MYOCOS: variants seen among roughly 807,000 people sequenced by gnomAD.
The protein encoded by MYOCOS is myocilin opposite strand protein.
At chr1:171,610,621 ATAAG>A (rs1044900206) in intron 1 of MYOCOS, among the ~76,000 whole-genome samples, 69 of 152,318 alleles carry the variant, frequency 4.5e-4, no homozygotes, top group Middle Eastern at 3.4e-3. Flanking sequence ...CACTCTTGCG[ATAAG>A]TAACCCATTT....
intron 1 of MYOCOS, among the ~76,000 whole-genome samples, chr1:171,602,935 C>T (rs1010835951): frequency 6.6e-6 from 1 of 152,192 alleles, no homozygotes; most frequent in African/African-American, 2.4e-5. Context: ...TCCATCTGCA[C>T]GTTATAAAAA....
upstream of MYOCOS, among the ~76,000 whole-genome samples, chr1:171,618,829 G>A (rs1652498990): frequency 6.6e-6 from 1 of 152,176 alleles, no homozygotes; most frequent in Non-Finnish European, 1.5e-5. Context: ...GCCCGCCTTG[G>A]CCTCTCAAAG....
intron 1 of MYOCOS, among the ~76,000 whole-genome samples, chr1:171,612,596 T>C (rs67133611): frequency 0.24 from 35,656 of 151,072 alleles, 5,157 homozygotes; most frequent in African/African-American, 0.41. Flanking sequence ...GAGGCCGAGG[T>C]GGGTGGATCA....
chr1:171,612,691 G>T (rs112002573), intron 1 of MYOCOS, among the ~76,000 whole-genome samples: 5 of 151,928 alleles, frequency 3.3e-5, no homozygotes, highest in Non-Finnish European at 7.4e-5. Flanking sequence ...TTAGCCGGCC[G>T]TGGTGGCGCA....
At chr1:171,615,921 T>C (rs182167805) in intron 2 of MYOCOS, among the ~76,000 whole-genome samples, 1 of 149,672 alleles carries the variant, frequency 6.7e-6, no homozygotes, top group Non-Finnish European at 1.5e-5. Context: ...GGGGTTGCCA[T>C]TAACAGAAAT....
At position 171,626,531 on chromosome 1, in the gene MYOCOS, C is replaced by T. The variant is rs890377378; in HGVS notation, c.173C>T (p.Pro58Leu). The T allele has an allele frequency of 5.0e-6, 2 of 398,692 alleles. No homozygotes were observed. The highest frequency in any genetic ancestry group is 2.5e-4 in the South Asian group (2 of 7,852). 24.7% of individuals were successfully genotyped at this position (398,692 alleles called of 1,614,324 possible). ...SHLDLEQAPPPHRTYLTVPPA... is the reference protein window; with the variant it reads ...SHLDLEQAPPLHRTYLTVPPA... Reference sequence around the variant, plus strand: ...TTGGATTTGGAGCAAGCCCCTCCCCCTCACAGGACCTACCTCACAGTACCT... The same window carrying T: ...TTGGATTTGGAGCAAGCCCCTCCCCTTCACAGGACCTACCTCACAGTACCT... Residue 58 changes from proline (P) to leucine (L), a missense_variant, in exon 3 of 3, where the codon CCT (proline) becomes CTT (leucine). Transcript: ENST00000637642.
chr1:171,616,893 G>C (rs1270642822), intron 2 of MYOCOS, among the ~76,000 whole-genome samples: 2 of 152,274 alleles, frequency 1.3e-5, no homozygotes, highest in East Asian at 1.9e-4. Flanking sequence ...ACATGGGAAG[G>C]TTCATCATTT....
intron 1 of MYOCOS, among the ~76,000 whole-genome samples, chr1:171,603,648 G>GC (rs960694141): frequency 3.3e-5 from 5 of 152,114 alleles, no homozygotes; most frequent in Non-Finnish European, 5.9e-5. Context: ...ACTCATGTCG[G>GC]CCCCCGCCAT....
intron 2 of MYOCOS, among the ~76,000 whole-genome samples, chr1:171,625,141 T>C (rs235856): frequency 0.2 from 30,500 of 152,140 alleles, 3,466 homozygotes; most frequent in East Asian, 0.33. Flanking sequence ...TCTTTGTTGA[T>C]AGTGGTGCAC....
intron 2 of MYOCOS, 55 bp downstream of exon 2, chr1:171,624,033 T>C (rs1652630236): frequency 5.0e-6 from 2 of 398,552 alleles, no homozygotes; most frequent in East Asian, 7.1e-5. Context: ...AGCATAACAC[T>C]GAGCCCCAGC....
At chr1:171,606,607 T>G (rs1416475348) in intron 1 of MYOCOS, among the ~76,000 whole-genome samples, 1 of 152,216 alleles carries the variant, frequency 6.6e-6, no homozygotes, top group African/African-American at 2.4e-5. Flanking sequence ...TGACTACCAG[T>G]GCACGAAACC....
intron 1 of MYOCOS, among the ~76,000 whole-genome samples, chr1:171,614,219 G>A (rs1652407600): frequency 6.6e-6 from 1 of 152,204 alleles, no homozygotes; most frequent in African/African-American, 2.4e-5. Flanking sequence ...AGTCTTTTTA[G>A]AGTTTAATTC....
chr1:171,606,203 AG>A (rs1420743364), intron 1 of MYOCOS, among the ~76,000 whole-genome samples: 3 of 152,332 alleles, frequency 2.0e-5, no homozygotes, highest in South Asian at 2.1e-4. Context: ...ATGATAAAAA[AG>A]CTTCATCGCT....
intron 2 of MYOCOS, among the ~76,000 whole-genome samples, chr1:171,616,791 C>T (rs1173336475): frequency 6.6e-6 from 1 of 152,066 alleles, no homozygotes; most frequent in Non-Finnish European, 1.5e-5. Flanking sequence ...GTGCTTTGGT[C>T]AAGGATAGGC....
At chr1:171,606,689 C>T (rs971304000) in intron 1 of MYOCOS, among the ~76,000 whole-genome samples, 1 of 152,206 alleles carries the variant, frequency 6.6e-6, no homozygotes, top group African/African-American at 2.4e-5. Flanking sequence ...GTTGTAAGCC[C>T]TTAAAAAGGA....
intron 2 of MYOCOS, among the ~76,000 whole-genome samples, chr1:171,624,698 C>T (rs943133098): frequency 3.9e-5 from 6 of 152,074 alleles, no homozygotes; most frequent in East Asian, 1.9e-4. Flanking sequence ...CTGCCCGCCT[C>T]GGCCTCCCAA....
upstream of MYOCOS, among the ~76,000 whole-genome samples, chr1:171,620,092 A>AT (rs1652529902): frequency 1.4e-5 from 2 of 147,524 alleles, no homozygotes; most frequent in African/African-American, 4.9e-5. Context: ...TATATAACCT[A>AT]TATATAAAAT....
At chr1:171,609,796 C>T (rs1453700912) in intron 1 of MYOCOS, among the ~76,000 whole-genome samples, 2 of 152,142 alleles carry the variant, frequency 1.3e-5, no homozygotes, top group East Asian at 3.9e-4. Flanking sequence ...CCACTGCACC[C>T]GGCCAACAAG....
chr1:171,621,641 T>C (rs7528502), upstream of MYOCOS, among the ~76,000 whole-genome samples: 3 of 151,874 alleles, frequency 2.0e-5, no homozygotes, highest in Admixed American at 6.6e-5. Context: ...TCCTAAAGTG[T>C]TGGGATTGCA....
Sources: allele counts gnomAD v4.1 joint callset (sites outside exome capture counted in the v4.1 genomes callset), GRCh38; gene constraint gnomAD v4.1.1; transcripts MANE v1.5; gene names NCBI Gene and HGNC (gene_info 2026-07-23, HGNC 2026-07-21).